Variants in NUMB observed in about 807,000 individuals in gnomAD.
The protein encoded by NUMB is NUMB endocytic adaptor protein, also known as protein numb homolog.
A neutral mutation model predicts 59.7 loss-of-function variants in NUMB; 29 were observed. The ratio of observed to expected loss-of-function variants is 0.49; its 90% CI spans 0.36 to 0.66. NUMB has a LOEUF of 0.66. NUMB is among the 30% of genes least tolerant of loss of function. The probability of loss-of-function intolerance (pLI) is 0.00; values close to 1 mark genes in which losing one functional copy is unlikely to be tolerated. For missense variants in NUMB, 723 were observed against 822.0 expected (o/e 0.88, Z 1.47); for synonymous variants, 288 against 288.2 (o/e 1.00, Z 0.01).
chr14:73,454,048 G>A (rs1214059586), intron 1 of NUMB, among the ~76,000 whole-genome samples: 1 of 151,078 alleles, frequency 6.6e-6, no homozygotes, highest in Non-Finnish European at 1.5e-5. Flanking sequence ...CATAAAATGA[G>A]GGAGGGAAAA....
At chr14:73,362,270 T>C (rs1448279588) in intron 3 of NUMB, among the ~76,000 whole-genome samples, 1 of 151,762 alleles carries the variant, frequency 6.6e-6, no homozygotes, top group Non-Finnish European at 1.5e-5. Context: ...AAAAAAATGC[T>C]ACCAAAATTG....
chr14:73,378,004 C>CACACACACAT (rs1306324589), intron 2 of NUMB, among the ~76,000 whole-genome samples: 3 of 148,764 alleles, frequency 2.0e-5, no homozygotes, highest in South Asian at 4.2e-4. Context: ...TACACACACA[C>CACACACACAT]ACACACACAC....
intron 2 of NUMB, among the ~76,000 whole-genome samples, chr14:73,369,417 A>G (rs1001935734): frequency 6.6e-5 from 10 of 152,228 alleles, no homozygotes; most frequent in Non-Finnish European, 1.2e-4. Flanking sequence ...CACTGTACTT[A>G]GAATTTTTCA....
At chr14:73,343,672 C>T (rs1272376250) in intron 4 of NUMB, among the ~76,000 whole-genome samples, 1 of 151,618 alleles carries the variant, frequency 6.6e-6, no homozygotes, top group African/African-American at 2.4e-5. Flanking sequence ...CTTCTTTATT[C>T]TGTCATTTGA....
intron 2 of NUMB, among the ~76,000 whole-genome samples, chr14:73,401,563 A>ATTTTTTTT (rs1164847403): frequency 5.5e-5 from 6 of 110,054 alleles, no homozygotes; most frequent in African/African-American, 7.5e-5. Flanking sequence ...GTAAGACTAA[A>ATTTTTTTT]TTTTTTTTTT....
chr14:73,277,412 T>C, intron 12 of NUMB, 119 bp from the exon 13 acceptor site: 1 of 838,648 alleles, frequency 1.2e-6, no homozygotes, highest in Non-Finnish European at 1.8e-6. Flanking sequence ...ATGGGACATT[T>C]TGTGGTTTTG....
intron 5 of NUMB, among the ~76,000 whole-genome samples, chr14:73,322,099 G>A (rs919488442): frequency 3.9e-5 from 6 of 152,154 alleles, no homozygotes; most frequent in Non-Finnish European, 7.3e-5. Context: ...CAAACTTGTG[G>A]CAGCCCACCA....
Position 73,277,288 on chromosome 14 carries a change from C to T in NUMB, c.1246G>A (p.Glu416Lys), listed in dbSNP as rs747504257. Reference protein sequence around the residue: ...KEIAATCSGTEWGQSSGAASP... With the variant: ...KEIAATCSGTKWGQSSGAASP... ...GCAGCACCAGAAGATTGACCCCACT[C>T]GGTCCCTGGAACCAACAAGATGAGA... Residue 416 changes from glutamate (E) to lysine (K), a missense_variant, in exon 13 of 13, where the codon GAG (glutamate) becomes AAG (lysine). Coordinates refer to ENST00000555238, the MANE Select transcript of NUMB (RefSeq NM_001005743.2). The T allele has an allele frequency of 2.6e-5, 41 of 1,595,414 alleles. No homozygotes were observed. In the South Asian group the frequency reaches 3.1e-4, roughly 12 times the overall value.
At chr14:73,395,942 G>A (rs1417474796) in intron 2 of NUMB, among the ~76,000 whole-genome samples, 1 of 152,130 alleles carries the variant, frequency 6.6e-6, no homozygotes, top group Admixed American at 6.6e-5. Flanking sequence ...CCTTAACATA[G>A]CTGTTTCTTC....
intron 1 of NUMB, among the ~76,000 whole-genome samples, chr14:73,456,353 G>A (rs929585118): frequency 6.6e-6 from 1 of 152,130 alleles, no homozygotes; most frequent in African/African-American, 2.4e-5. Flanking sequence ...CAAGTGATCC[G>A]CCCGCCTTGG....
chr14:73,369,742 G>A (rs1440106222), intron 2 of NUMB, among the ~76,000 whole-genome samples: 2 of 152,124 alleles, frequency 1.3e-5, no homozygotes, highest in Non-Finnish European at 2.9e-5. Context: ...AGTTTATTAA[G>A]GTATGACATA....
intron 2 of NUMB, among the ~76,000 whole-genome samples, chr14:73,372,333 A>ATATATATATATG (rs1894737160): frequency 1.1e-5 from 1 of 95,070 alleles, no homozygotes; most frequent in Non-Finnish European, 2.1e-5. Flanking sequence ...ATATATATAT[A>ATATATATATATG]TATAACCTTT....
At chr14:73,457,545 T>TCTCCCACCTC (rs896148791) in intron 1 of NUMB, 1 of 152,202 alleles carries the variant, frequency 6.6e-6, no homozygotes, top group African/African-American at 2.4e-5. Context: ...ATAGGGATTC[T>TCTCCCACCTC]CTCCCACCTC....
At chr14:73,353,252 T>A (rs1893563097) in intron 4 of NUMB, among the ~76,000 whole-genome samples, 1 of 150,484 alleles carries the variant, frequency 6.6e-6, no homozygotes, top group Non-Finnish European at 1.5e-5. Flanking sequence ...GCCCAGCTAA[T>A]TTTTTTGTGT....
rs118084648 is a variant in NUMB, at chr14:73,375,897, A to G, written c.-100-8916T>C. 6.8e-3 allele frequency among the ~76,000 whole-genome samples: 1,040 copies of G among 152,308 alleles called. 5 individuals are homozygous for G. Among genetic ancestry groups the G allele is most frequent in the South Asian group, 0.03 (144 of 4,828 alleles). ...AAATTTTATACAAACTAGGAACACAAAGATTCTTCCTCAACAAGACAAAGC... is the reference window on the plus strand; with the variant it reads ...AAATTTTATACAAACTAGGAACACAGAGATTCTTCCTCAACAAGACAAAGC... On this transcript the variant is annotated intron_variant, in intron 2 of 12. Transcript: ENST00000555238.
At chr14:73,386,864 C>CTTTTTTTTT (rs1566773800) in intron 2 of NUMB, among the ~76,000 whole-genome samples, 1 of 73,806 alleles carries the variant, frequency 1.4e-5, no homozygotes, top group Non-Finnish European at 2.4e-5. Context: ...TATCAGGTGT[C>CTTTTTTTTT]TTATTTTTTT....
At chr14:73,407,123 G>A (rs1473479668) in intron 2 of NUMB, among the ~76,000 whole-genome samples, 2 of 151,746 alleles carry the variant, frequency 1.3e-5, no homozygotes, top group African/African-American at 4.8e-5. Flanking sequence ...GATGACAGGA[G>A]TGAGCCACCA....
chr14:73,349,739 C>T (rs780873521), intron 4 of NUMB, among the ~76,000 whole-genome samples: 7 of 151,862 alleles, frequency 4.6e-5, no homozygotes, highest in East Asian at 1.9e-4. Flanking sequence ...ATTAGCCAGG[C>T]GTGGTGGCAG....
At position 73,323,136 on chromosome 14, in the gene NUMB, C is replaced by T. The variant is rs1891491771; in HGVS notation, c.195G>A (p.Leu65=). Residue 65 remains leucine (L), a synonymous_variant, in exon 5 of 13, where the codon TTG becomes TTA. Coordinates refer to ENST00000555238, the MANE Select transcript of NUMB (RefSeq NM_001005743.2). Reference sequence around the variant, plus strand: ...GCAACCATCAAATACATACAGCTTTCAATCTTTTTACAGCATCTTCACAGA... The same window carrying T: ...GCAACCATCAAATACATACAGCTTTTAATCTTTTTACAGCATCTTCACAGA... ...MHICEDAVKR[L]KAERKFFKGF... 6.2e-7 allele frequency: 1 copy of T among 1,610,956 alleles called. No homozygotes were observed. Among genetic ancestry groups the T allele is most frequent in the African/African-American group, 1.3e-5 (1 of 74,868 alleles).
Sources: gnomAD v4.1 joint callset for allele counts (sites outside exome capture counted in the v4.1 genomes callset) on GRCh38, gnomAD v4.1.1 for gene constraint, MANE v1.5 for transcripts, NCBI Gene and HGNC (gene_info 2026-07-23, HGNC 2026-07-21) for gene names.